The following SCAPER variants were observed in gnomAD, a reference collection of about 807,000 sequenced individuals.
SCAPER encodes the protein S phase cyclin A-associated protein in the endoplasmic reticulum.
Under a neutral mutation model 182.2 loss-of-function variants are expected in SCAPER, and 98 were observed. That is an observed-to-expected ratio of 0.54 (90% CI 0.46 to 0.64). SCAPER has a LOEUF of 0.64. SCAPER is among the 30% of genes least tolerant of loss of function. The pLI, the probability that SCAPER is intolerant of heterozygous loss-of-function variation, is 0.00. For missense variants in SCAPER, 1,432 were observed against 1,690.0 expected, an observed-to-expected ratio of 0.85 and a Z score of 2.68; for synonymous variants, 605 against 564.6, an observed-to-expected ratio of 1.07 and a Z score of -1.01.
intron 25 of SCAPER, among the ~76,000 whole-genome samples, chr15:76,451,830 T>C (rs1280714295): frequency 1.3e-5 from 2 of 152,214 alleles, no homozygotes; most frequent in South Asian, 2.1e-4. Context: ...TGCCTTGCTA[T>C]ATGTAAATAC....
At chr15:76,548,901 T>G (rs1245633928) in intron 23 of SCAPER, among the ~76,000 whole-genome samples, 2 of 152,124 alleles carry the variant, frequency 1.3e-5, no homozygotes, top group Non-Finnish European at 2.9e-5. Flanking sequence ...ACTTCATGTC[T>G]AAAACACCAA....
At chr15:76,607,051 C>T (rs931802610) in intron 22 of SCAPER, among the ~76,000 whole-genome samples, 12 of 152,158 alleles carry the variant, frequency 7.9e-5, no homozygotes, top group Non-Finnish European at 1.6e-4. Context: ...GAATTTGATC[C>T]TGTCATTATG....
At chr15:76,851,531 T>A (rs1319633946) in intron 4 of SCAPER, among the ~76,000 whole-genome samples, 2 of 152,146 alleles carry the variant, frequency 1.3e-5, no homozygotes, top group Non-Finnish European at 2.9e-5. Context: ...GGGGCCTATA[T>A]CCAACATTCT....
In SCAPER at chr15:76,594,924, C is replaced by T. The variant is rs1189566600; in HGVS notation, c.2712-20640G>A. Reference sequence around the variant, plus strand: ...CTACGAAGAAATTGAATCAACTAACCGGCAAGACAACCAGCTAGAATAATA... The same window carrying T: ...CTACGAAGAAATTGAATCAACTAACTGGCAAGACAACCAGCTAGAATAATA... On this transcript the variant is annotated intron_variant, in intron 22 of 31. Transcript: ENST00000563290. Among the ~76,000 whole-genome samples, 7 of 120,796 alleles carry T rather than the reference C, an allele frequency of 5.8e-5. 2 individuals are homozygous for T. The highest frequency in any genetic ancestry group is 1.2e-4 in the Non-Finnish European group (6 of 49,792). The allele number at this position is 120,796 out of a possible 152,430, so 79.2% of individuals were successfully genotyped here.
intron 17 of SCAPER, among the ~76,000 whole-genome samples, chr15:76,718,083 AGATCACTAT>A (rs1485899353): frequency 6.6e-6 from 1 of 152,214 alleles, no homozygotes; most frequent in Non-Finnish European, 1.5e-5. Flanking sequence ...TTGTTGTTTC[AGATCACTAT>A]GATATAAAAC....
chr15:76,557,784 A>G (rs570163204), intron 23 of SCAPER, among the ~76,000 whole-genome samples: 1 of 152,288 alleles, frequency 6.6e-6, no homozygotes, highest in South Asian at 2.1e-4. Context: ...ACAGCATGGT[A>G]CTGGTATAAA....
intron 22 of SCAPER, among the ~76,000 whole-genome samples, chr15:76,612,246 C>CT (rs897882845): frequency 1.3e-4 from 19 of 151,748 alleles, no homozygotes; most frequent in Admixed American, 3.3e-4. Flanking sequence ...TTCTTTTTTG[C>CT]TTTTTTTTGA....
At chr15:76,642,757 T>C (rs2054202391) in intron 21 of SCAPER, among the ~76,000 whole-genome samples, 1 of 152,204 alleles carries the variant, frequency 6.6e-6, no homozygotes, top group Non-Finnish European at 1.5e-5. Context: ...TTTTCAACTT[T>C]ACATTCTTTG....
intron 25 of SCAPER, among the ~76,000 whole-genome samples, chr15:76,449,640 G>A (rs1176964227): frequency 7.9e-5 from 12 of 152,056 alleles, no homozygotes; most frequent in African/African-American, 2.7e-4. Flanking sequence ...TGCTTAATTG[G>A]CCCTTATTTC....
chr15:76,648,271 A>C (rs1235700364), intron 21 of SCAPER, among the ~76,000 whole-genome samples: 1 of 152,052 alleles, frequency 6.6e-6, no homozygotes, highest in East Asian at 1.9e-4. Flanking sequence ...AATATAACAC[A>C]TGAAATAAAA....
intron 8 of SCAPER, among the ~76,000 whole-genome samples, chr15:76,792,784 T>C (rs2065083049): frequency 6.6e-6 from 1 of 152,210 alleles, no homozygotes; most frequent in Non-Finnish European, 1.5e-5. Flanking sequence ...TCAACTGTCA[T>C]AGCTGACACC....
intron 20 of SCAPER, among the ~76,000 whole-genome samples, chr15:76,683,828 G>T (rs1432776445): frequency 6.6e-6 from 1 of 151,956 alleles, no homozygotes; most frequent in African/African-American, 2.4e-5. Context: ...AGTTGGGCGG[G>T]GTGGCTCACA....
chr15:76,703,533 GA>G, intron 18 of SCAPER, among the ~76,000 whole-genome samples: 1 of 152,144 alleles, frequency 6.6e-6, no homozygotes, highest in African/African-American at 2.4e-5. Context: ...AATCCTGGGG[GA>G]AAAAACGCTA....
chr15:76,729,745 G>C (rs2060809007), intron 16 of SCAPER, among the ~76,000 whole-genome samples: 1 of 152,034 alleles, frequency 6.6e-6, no homozygotes, highest in Admixed American at 6.6e-5. Flanking sequence ...TATATGAAAA[G>C]CACTTACCAT....
chr15:76,853,660 C>T (rs1056112116), intron 4 of SCAPER, among the ~76,000 whole-genome samples: 8 of 151,988 alleles, frequency 5.3e-5, no homozygotes, highest in African/African-American at 1.9e-4. Context: ...ATTAAAGGAA[C>T]ATACCTCAAA....
At chr15:76,487,223 A>C (rs183457287) in intron 24 of SCAPER, among the ~76,000 whole-genome samples, 9 of 152,244 alleles carry the variant, frequency 5.9e-5, no homozygotes, top group African/African-American at 9.6e-5. Flanking sequence ...AGGAAAAAAA[A>C]CTAATGGGTA....
intron 30 of SCAPER, among the ~76,000 whole-genome samples, chr15:76,351,861 T>C (rs942986832): frequency 1.6e-4 from 24 of 152,118 alleles, no homozygotes; most frequent in Non-Finnish European, 3.4e-4. Flanking sequence ...AGAAAAACAC[T>C]TGATTTAACT....
intron 23 of SCAPER, among the ~76,000 whole-genome samples, chr15:76,546,019 G>C (rs2045253495): frequency 1.3e-5 from 2 of 152,132 alleles, no homozygotes; most frequent in South Asian, 4.1e-4. Context: ...GAAAGTCCTA[G>C]CTCAACATCC....
chr15:76,868,359 C>T (rs2072445617), intron 2 of SCAPER, among the ~76,000 whole-genome samples: 1 of 151,894 alleles, frequency 6.6e-6, no homozygotes, highest in Non-Finnish European at 1.5e-5. Context: ...CATCATTGCA[C>T]TCCAGCCTGG....
Sources: gnomAD v4.1 joint callset for allele counts (sites outside exome capture counted in the v4.1 genomes callset) on GRCh38, gnomAD v4.1.1 for gene constraint, MANE v1.5 for transcripts, NCBI Gene and HGNC (gene_info 2026-07-23, HGNC 2026-07-21) for gene names.